DCT: variants seen among roughly 807,000 people sequenced by gnomAD.
DCT encodes the protein dopachrome tautomerase.
In DCT, 47 loss-of-function variants were observed where a neutral mutation model predicts 53.0. The ratio of observed to expected loss-of-function variants is 0.89; its 90% CI spans 0.70 to 1.13. The LOEUF is 1.13. DCT is among the 50% of genes most tolerant of loss of function. The pLI is 0.00. For missense variants in DCT, 669 were observed against 637.4 expected (o/e 1.05, Z -0.53); for synonymous variants, 244 against 237.0 (o/e 1.03, Z -0.27).
chr13:94,465,957 G>A (rs1884165572), intron 3 of DCT, among the ~76,000 whole-genome samples, 158 bp from the exon 4 acceptor site: 1 of 120,056 alleles, frequency 8.3e-6, no homozygotes, highest in Non-Finnish European at 1.7e-5. Context: ...ATAAATCAGT[G>A]TGTGTATATT....
At chr13:94,458,061 A>T (rs1883525984) in intron 6 of DCT, among the ~76,000 whole-genome samples, 1 of 152,180 alleles carries the variant, frequency 6.6e-6, no homozygotes, top group Non-Finnish European at 1.5e-5. Flanking sequence ...AATTATGAAC[A>T]TTGTCCAAGA....
Position 94,468,982 on chromosome 13 carries a change from C to A in DCT, c.359G>T (p.Arg120Leu). ...KFGWTGPNCE[R>L]KKPPVIRQNI... ...CTGCCGAATCACTGGTGGTTTCTTC[C>A]GCTCGCAGTTGGGACCGGTCCAGCC... is the stretch of plus-strand genomic sequence containing the variant. The change falls in exon 2 of 8, where the codon CGG becomes CTG. Residue 120 changes from arginine (R) to leucine (L), a missense_variant. Physicochemically the swap from Arg to Leu is moderately radical, Grantham distance 102 (BLOSUM62 -2). Coordinates refer to ENST00000377028, the MANE Select transcript of DCT (RefSeq NM_001922.5). 6.2e-7 allele frequency: 1 copy of A among 1,614,062 alleles called. No individual in the cohort carries two copies. The highest frequency in any genetic ancestry group is 8.5e-7 in the Non-Finnish European group (1 of 1,179,972).
At chr13:94,460,888 ATCT>A (rs1377644822) in intron 5 of DCT, among the ~76,000 whole-genome samples, 2 of 152,220 alleles carry the variant, frequency 1.3e-5, no homozygotes, top group Non-Finnish European at 2.9e-5. Context: ...TAGATTAAAG[ATCT>A]TCTCCAAAAC....
chr13:94,547,984 A>AAAAAAATATATATATAT, the DCT span, among the ~76,000 whole-genome samples: 1 of 65,820 alleles, frequency 1.5e-5, no homozygotes, highest in African/African-American at 1.3e-4. Flanking sequence ...AAAAAAAAAA[A>AAAAAAATATATATATAT]ATATATATAT....
At chr13:94,505,031 G>A in the DCT span, among the ~76,000 whole-genome samples, 1 of 152,036 alleles carries the variant, frequency 6.6e-6, no homozygotes, top group African/African-American at 2.4e-5. Flanking sequence ...GCAACAGAGT[G>A]GATGCTCAGT....
chr13:94,465,968 T>TATA (rs1884168688), intron 3 of DCT, among the ~76,000 whole-genome samples, 169 bp from the exon 4 acceptor site: 1 of 77,828 alleles, frequency 1.3e-5, no homozygotes, highest in African/African-American at 5.7e-5. Flanking sequence ...TGTGTATATT[T>TATA]TATATATATA....
At chr13:94,544,098 A>G in the DCT span, among the ~76,000 whole-genome samples, 1 of 151,880 alleles carries the variant, frequency 6.6e-6, no homozygotes, top group Admixed American at 6.6e-5. Context: ...AAGAACTAAT[A>G]CTTTATACTT....
At chr13:94,458,327 A>C (rs1345817526) in intron 6 of DCT, among the ~76,000 whole-genome samples, 1 of 152,168 alleles carries the variant, frequency 6.6e-6, no homozygotes, top group Non-Finnish European at 1.5e-5. Flanking sequence ...CCACTGGCTG[A>C]GACTTTCCAC....
the DCT span, among the ~76,000 whole-genome samples, chr13:94,547,980 A>AT: frequency 9.9e-3 from 971 of 98,470 alleles, 3 homozygotes; most frequent in Middle Eastern, 0.015. Context: ...AAAAAAAAAA[A>AT]AAAAATATAT....
In DCT at chr13:94,476,624, C is replaced by T. The variant is rs189337022; in HGVS notation, c.295+2337G>A. On this transcript the variant is annotated intron_variant, in intron 1 of 7. Transcript: ENST00000377028. The stretch of plus-strand genomic sequence containing the variant: ...CCAAGTAGCTGGGATTACAGGTGCC[C>T]ATCACCACACCTCGCTAATTTTTGT... Among the ~76,000 whole-genome samples, 148 of 151,622 alleles carry T rather than the reference C, an allele frequency of 9.8e-4. 1 individual carries two copies. The highest frequency in any genetic ancestry group is 3.2e-3 in the African/African-American group (134 of 41,346).
At chr13:94,492,586 G>C in the DCT span, among the ~76,000 whole-genome samples, 1 of 152,190 alleles carries the variant, frequency 6.6e-6, no homozygotes, top group Non-Finnish European at 1.5e-5. Flanking sequence ...TGGACTACAG[G>C]ATCCAAGTTA....
chr13:94,462,521 A>C (rs1186404081), intron 4 of DCT, among the ~76,000 whole-genome samples: 1 of 151,906 alleles, frequency 6.6e-6, no homozygotes, highest in African/African-American at 2.4e-5. Flanking sequence ...AAAATCCCCC[A>C]AAACAAAAAA....
Position 94,472,513 on chromosome 13 carries a change from CATACATACATATAT to C in DCT, c.296-3482_296-3469del, listed in dbSNP as rs1382111426. The stretch of plus-strand genomic sequence containing the variant: ...TGGTATACAGTGAGTTAAATATATA[CATACATACATATAT>C]ATATATATATATATATATATATATA... On this transcript the variant is annotated intron_variant, in intron 1 of 7. Coordinates refer to ENST00000377028, the MANE Select transcript of DCT (RefSeq NM_001922.5). Among the ~76,000 whole-genome samples, 191 of 37,480 alleles carry C rather than the reference CATACATACATATAT, an allele frequency of 5.1e-3. 5 individuals are homozygous for C. Among genetic ancestry groups the C allele is most frequent in the Non-Finnish European group, 7.9e-3 (156 of 19,666 alleles). 24.6% of individuals were successfully genotyped at this position (37,480 alleles called of 152,430 possible). A position where few individuals can be genotyped will look rare whatever the true frequency, so the allele number is the denominator to read the frequency against.
chr13:94,446,224 T>C (rs1882722747), intron 6 of DCT, among the ~76,000 whole-genome samples: 1 of 152,124 alleles, frequency 6.6e-6, no homozygotes, highest in South Asian at 2.1e-4. Flanking sequence ...GAAGATAATA[T>C]ATATTAGGTA....
At chr13:94,525,458 G>A in the DCT span, among the ~76,000 whole-genome samples, 1 of 152,122 alleles carries the variant, frequency 6.6e-6, no homozygotes, top group African/African-American at 2.4e-5. Context: ...TGTTATGGCA[G>A]CCCTGGCAAG....
the DCT span, among the ~76,000 whole-genome samples, chr13:94,514,320 G>A: frequency 6.6e-6 from 1 of 151,166 alleles, no homozygotes. Context: ...CAAAACGGGG[G>A]TGGGCATCAA....
chr13:94,475,627 T>C (rs1885021202), intron 1 of DCT, among the ~76,000 whole-genome samples: 1 of 152,178 alleles, frequency 6.6e-6, no homozygotes, highest in Non-Finnish European at 1.5e-5. Flanking sequence ...AATAAGGCAT[T>C]CGGCACTTAA....
chr13:94,497,582 A>T, the DCT span, among the ~76,000 whole-genome samples: 1 of 152,258 alleles, frequency 6.6e-6, no homozygotes, highest in African/African-American at 2.4e-5. Context: ...AGCAAACTAC[A>T]GAAAATAAAA....
chr13:94,521,446 G>A, the DCT span, among the ~76,000 whole-genome samples: 33 of 152,316 alleles, frequency 2.2e-4, no homozygotes, highest in African/African-American at 7.5e-4. Context: ...CGAGGTGGGC[G>A]GATCACCTGA....
Sources: gnomAD v4.1 joint callset for allele counts (sites outside exome capture counted in the v4.1 genomes callset) on GRCh38, gnomAD v4.1.1 for gene constraint, MANE v1.5 for transcripts, NCBI Gene and HGNC (gene_info 2026-07-23, HGNC 2026-07-21) for gene names.